Variants in TRIML2 observed in about 807,000 individuals in gnomAD.
TRIML2 encodes the protein probable E3 ubiquitin-protein ligase TRIML2.
Under a neutral mutation model 31.2 loss-of-function variants are expected in TRIML2, and 28 were observed. The observed-to-expected ratio is 0.90, with a 90% CI of 0.66 to 1.23. The LOEUF is 1.23. TRIML2 is among the 50% of genes most tolerant of loss of function. The pLI, the probability that TRIML2 is intolerant of heterozygous loss-of-function variation, is 0.00. For missense variants in TRIML2, 536 were observed against 528.3 expected, an observed-to-expected ratio of 1.01 and a Z score of -0.14; for synonymous variants, 187 against 197.5, an observed-to-expected ratio of 0.95 and a Z score of 0.45.
chr4:188,097,552 G>A (rs561626751), intron 5 of TRIML2, among the ~76,000 whole-genome samples: 5 of 152,208 alleles, frequency 3.3e-5, no homozygotes, highest in African/African-American at 1.2e-4. Context: ...TAGTCCCAAG[G>A]GAAAGGTTTT....
chr4:188,105,420 T>G lies in TRIML2; in HGVS notation c.-52A>C. On this transcript the variant is annotated 5_prime_UTR_variant, in exon 2 of 8. Transcript: ENST00000682553. ...TGGACTGTATGCTTCTACTGAGGTA[T>G]CTCCCTGCACTGTGAATGAGAAAAA... 6 of 1,404,776 alleles carry G rather than the reference T, an allele frequency of 4.3e-6. No homozygotes were observed. The highest frequency in any genetic ancestry group is 5.8e-6 in the Non-Finnish European group (6 of 1,040,454). 87.0% of individuals were successfully genotyped at this position (1,404,776 alleles called of 1,614,324 possible).
chr4:188,096,351 A>G (rs983678893), intron 7 of TRIML2, among the ~76,000 whole-genome samples: 1 of 151,694 alleles, frequency 6.6e-6, no homozygotes, highest in South Asian at 2.1e-4. Context: ...CCTGACCAAC[A>G]TGGTAAGACC....
intron 5 of TRIML2, chr4:188,098,156 GA>G: frequency 3.3e-6 from 1 of 306,958 alleles, no homozygotes; most frequent in African/African-American, 2.3e-5. Flanking sequence ...CCCACTTTCT[GA>G]AAGGCAACGT....
intron 4 of TRIML2, among the ~76,000 whole-genome samples, chr4:188,099,894 G>A (rs925978518): frequency 9.2e-5 from 14 of 151,918 alleles, no homozygotes; most frequent in Non-Finnish European, 1.9e-4. Flanking sequence ...AAATAATTAC[G>A]TTACTGATAT....
intron 5 of TRIML2, chr4:188,098,412 C>G (rs1733624201): frequency 3.9e-6 from 1 of 259,488 alleles, no homozygotes; most frequent in Non-Finnish European, 7.9e-6. Context: ...AGGGGCTCTG[C>G]CCCCAGGCCC....
rs1197688661 is a variant in TRIML2 at position 188,091,400 on chromosome 4, A to G, written c.1287T>C (p.Pro429=). The change falls in exon 8 of 8, where the codon CCT becomes CCC. Residue 429 remains proline, a synonymous_variant. Coordinates refer to ENST00000682553, the MANE Select transcript of TRIML2 (RefSeq NM_173553.4). ...AAGGGCTAACAGTAGCATCACAAGAAGGACCATGTTGTAAGATGGTGAGGG... is the reference window on the plus strand; with the variant it reads ...AAGGGCTAACAGTAGCATCACAAGAGGGACCATGTTGTAAGATGGTGAGGG... The part of the protein sequence containing the change: ...PDSLTILQHG[P]SCDATVSP The G allele has an allele frequency of 6.2e-7, 1 of 1,614,036 alleles. No homozygotes were observed. Among genetic ancestry groups the G allele is most frequent in the Admixed American group, 1.7e-5 (1 of 60,008 alleles).
At chr4:188,098,802 T>C (rs1733642076) in intron 5 of TRIML2, 1 of 494,958 alleles carries the variant, frequency 2.0e-6, no homozygotes, top group African/African-American at 2.0e-5. Flanking sequence ...AACCCTAACT[T>C]ACTGCTGATA....
At chr4:188,103,477 C>A (rs1392821948) in intron 3 of TRIML2, among the ~76,000 whole-genome samples, 1 of 152,048 alleles carries the variant, frequency 6.6e-6, no homozygotes, top group Non-Finnish European at 1.5e-5. Flanking sequence ...TCACCTACAG[C>A]CCCCGTTTCC....
At position 188,109,516 on chromosome 4, in the gene TRIML2, A is replaced by C. The variant is rs1734155377; in HGVS notation, c.-496T>G. ...TGGTCTTGAACTCCTGGGCTCAAGC[A>C]ATCTGCCTGCTTCAGCCTCCCAAAG... On this transcript the variant is annotated 5_prime_UTR_variant, in exon 1 of 8. It adds an upstream start codon to the 5' untranslated region. Coordinates refer to ENST00000682553, the MANE Select transcript of TRIML2 (RefSeq NM_173553.4). 1 of 151,872 alleles carries C rather than the reference A, an allele frequency of 6.6e-6. No homozygotes were observed. The highest frequency in any genetic ancestry group is 1.5e-5 in the Non-Finnish European group (1 of 67,996). 9.4% of individuals were successfully genotyped at this position (151,872 alleles called of 1,614,324 possible).
At chr4:188,103,019 T>G (rs10009988) in intron 3 of TRIML2, among the ~76,000 whole-genome samples, 18,305 of 136,616 alleles carry the variant, frequency 0.13, 928 homozygotes, top group Middle Eastern at 0.18. Flanking sequence ...TTTTTTTTTT[T>G]TTTTTTTTTT....
At chr4:188,103,081 C>T (rs1452398611) in intron 3 of TRIML2, among the ~76,000 whole-genome samples, 4 of 142,968 alleles carry the variant, frequency 2.8e-5, no homozygotes, top group South Asian at 2.3e-4. Context: ...GGCGCCATCT[C>T]GGCTCACTGC....
At chr4:188,104,810 C>A (rs780828814) in intron 3 of TRIML2, 27 bp downstream of exon 3, 12 of 1,562,888 alleles carry the variant, frequency 7.7e-6, no homozygotes, top group South Asian at 4.5e-5. Flanking sequence ...AATTTCCCCC[C>A]AAGAATCAAG....
In TRIML2 at chr4:188,099,319, C is replaced by T; in HGVS notation, c.481-144G>A. ...CAGTGGCTCACGCCTGTAATCCCAG[C>T]ACTTTGGGTGGCCAAGGCCGGCGGA... On this transcript the variant is annotated intron_variant, in intron 4 of 7. Transcript: ENST00000682553. The T allele has an allele frequency of 4.5e-6, 5 of 1,106,802 alleles. 1 individual carries two copies. In the South Asian group the frequency reaches 8.6e-5, roughly 19 times the overall value. 68.6% of individuals were successfully genotyped at this position (1,106,802 alleles called of 1,614,324 possible).
rs752966298 is a variant in TRIML2, at chr4:188,101,195, C to T, written c.341G>A (p.Arg114Gln). The T allele has an allele frequency of 2.4e-5, 39 of 1,613,530 alleles. No homozygotes were observed. Among genetic ancestry groups the T allele is most frequent in the Admixed American group, 6.7e-5 (4 of 59,974 alleles). The change falls in exon 4 of 8, where the codon CGG (arginine) becomes CAG (glutamine). Residue 114 changes from arginine to glutamine, a missense_variant. By Grantham distance (43) the Arg-to-Gln change is conservative (BLOSUM62 1). Coordinates refer to ENST00000682553, the MANE Select transcript of TRIML2 (RefSeq NM_173553.4). The stretch of plus-strand genomic sequence containing the variant: ...CTGCTCACACTCTTCATTCAACAAC[C>T]GGAGTCTCATACTATACTCAGACTC... ...MIESEYSMRLRLLNEECEQNL... is the reference protein window; with the variant it reads ...MIESEYSMRLQLLNEECEQNL...
intron 5 of TRIML2, chr4:188,098,126 A>C: frequency 1.7e-5 from 4 of 234,946 alleles, no homozygotes; most frequent in African/African-American, 9.2e-5. Context: ...TCTCGGGGAA[A>C]AAAAAAAAAA....
chr4:188,107,300 C>T (rs1470424868), intron 1 of TRIML2, among the ~76,000 whole-genome samples: 1 of 152,182 alleles, frequency 6.6e-6, no homozygotes, highest in Non-Finnish European at 1.5e-5. Context: ...GTGTGACCCA[C>T]CGTGCCTGGC....
At chr4:188,107,058 A>G (rs111374132) in intron 1 of TRIML2, 6,840 of 118,888 alleles carry the variant, frequency 0.058, 527 homozygotes, top group African/African-American at 0.17. Context: ...TCTGTCGCCC[A>G]GGCTGGAGCA....
At position 188,107,580 on chromosome 4, in the gene TRIML2, CAAATT is replaced by C. The variant is rs557013719; in HGVS notation, c.-223+1658_-223+1662del. Among the ~76,000 whole-genome samples the C allele has an allele frequency of 4.4e-3, 676 of 152,258 alleles. 6 individuals carry two copies. Among genetic ancestry groups the C allele is most frequent in the Admixed American group, 0.016 (252 of 15,294 alleles). Reference sequence around the variant, plus strand: ...TTGTACAATTTTGCACTCCAAGCAACAAATTAAAAAGATGTTAAACTTTTGGATCA... The same window carrying C: ...TTGTACAATTTTGCACTCCAAGCAACAAAAAGATGTTAAACTTTTGGATCA... On this transcript the variant is annotated intron_variant, in intron 1 of 7. Coordinates refer to ENST00000682553, the MANE Select transcript of TRIML2 (RefSeq NM_173553.4).
At chr4:188,105,000 C>T (rs1560955749) in intron 2 of TRIML2, 68 bp from the exon 3 acceptor site, 1 of 1,450,924 alleles carries the variant, frequency 6.9e-7, no homozygotes, top group Non-Finnish European at 9.7e-7. Context: ...TGACCTTAAA[C>T]AGCCAACAAC....
Sources: gnomAD v4.1 joint callset for allele counts (sites outside exome capture counted in the v4.1 genomes callset) on GRCh38, gnomAD v4.1.1 for gene constraint, MANE v1.5 for transcripts, NCBI Gene and HGNC (gene_info 2026-07-23, HGNC 2026-07-21) for gene names.